The following MT1E variants were observed in gnomAD, a reference collection of about 807,000 sequenced individuals.
The protein encoded by MT1E is metallothionein 1E.
MT1E carries 1 observed loss-of-function variant against 2.4 expected under a neutral mutation model. The observed-to-expected ratio is 0.41, with a 90% confidence interval of 0.15 to 1.97. The LOEUF (loss-of-function observed/expected upper bound fraction) is 1.97, where lower values mean the gene tolerates loss of function less well. Among genes scored for constraint, MT1E ranks in the 30% most tolerant of loss-of-function variants. The pLI is 0.30. For missense variants in MT1E, 145 were observed against 149.6 expected (o/e 0.97, Z 0.16); for synonymous variants, 78 against 63.0 (o/e 1.24, Z -1.13).
chr16:56,626,341 C>A (rs1212288906), intron 1 of MT1E, 125 bp from the exon 2 acceptor site: 17 of 1,413,814 alleles, frequency 1.2e-5, no homozygotes, highest in Admixed American at 6.9e-5. Flanking sequence ...TTCCTCTGTC[C>A]TGAGTGGGAA....
intron 1 of MT1E, among the ~76,000 whole-genome samples, chr16:56,626,133 A>G (rs1206784419): frequency 6.6e-6 from 1 of 152,160 alleles, no homozygotes; most frequent in African/African-American, 2.4e-5. Context: ...GCTGGGCCCC[A>G]GTGCTCTGTC....
chr16:56,626,173 G>A (rs1419593995), intron 1 of MT1E, among the ~76,000 whole-genome samples: 1 of 152,202 alleles, frequency 6.6e-6, no homozygotes, highest in Non-Finnish European at 1.5e-5. Context: ...GTGGTTGGGG[G>A]TGCTGGAAAC....
In MT1E at chr16:56,626,900, G is replaced by A. The variant is rs754793720; in HGVS notation, c.*79G>A. ...CCCAGGCTGCTGTTCCTGCTGCCCC[G>A]TGGGCTGTGCCAAGTGTGCCCAGGG... On this transcript the variant is annotated 3_prime_UTR_variant, in exon 2 of 2. Transcript: ENST00000330439. 45 of 1,614,086 alleles carry A rather than the reference G, an allele frequency of 2.8e-5. No individual in the cohort carries two copies. The highest frequency in any genetic ancestry group is 1.9e-4 in the South Asian group (17 of 91,092).
Position 56,626,618 on chromosome 16 carries a change from G to T in MT1E, c.181G>T (p.Gly61Ter), listed in dbSNP as rs777890969. The T allele has an allele frequency of 2.5e-6, 4 of 1,613,828 alleles. No homozygotes were observed. The highest frequency in any genetic ancestry group is 2.2e-5 in the East Asian group (1 of 44,880). Residue 61 changes from glycine (G) to a stop codon, truncating the protein, a stop_gained, in exon 2 of 2, where the codon GGA (glycine) becomes TGA (stop). Coordinates refer to ENST00000330439, the MANE Select transcript of MT1E (RefSeq NM_001363555.2). LOFTEE classifies it low-confidence loss of function (END_TRUNC). ...GCTGGCCCTGAGTGCATCCTTCTGG[G>T]GAACTGGGCTTTCTTTGCCCTCATT... ...SRLALSASFWGTGLSLPSLPV... is the reference protein window; with the variant it reads ...SRLALSASFW
At chr16:56,626,166 G>A (rs1057283631) in intron 1 of MT1E, among the ~76,000 whole-genome samples, 2 of 152,320 alleles carry the variant, frequency 1.3e-5, no homozygotes, top group Admixed American at 6.5e-5. Context: ...AATCAGTGTG[G>A]TTGGGGGTGC....
rs141595717 is a variant in MT1E at position 56,626,517 on chromosome 16, C to T, written c.80C>T (p.Thr27Ile). The T allele has an allele frequency of 1.2e-6, 2 of 1,614,254 alleles. No homozygotes were observed. The highest frequency in any genetic ancestry group is 8.5e-7 in the Non-Finnish European group (1 of 1,180,058). The change falls in exon 2 of 2, where the codon ACC becomes ATC. Residue 27 changes from threonine (T) to isoleucine (I), a missense_variant. Transcript: ENST00000330439. ...GSCKCKECKC[T>I]SCKKSECGAI... ...TGCAAGTGCAAAGAGTGCAAATGCA[C>T]CTCCTGCAAGAAGAGTGAGTGCGGG...
In MT1E at chr16:56,625,879, G is replaced by GT; in HGVS notation, c.28_28+1insT (p.Gly10ValfsTer24). 1 of 1,613,830 alleles carries GT rather than the reference G, an allele frequency of 6.2e-7. No homozygotes were observed. Among genetic ancestry groups the GT allele is most frequent in the Non-Finnish European group, 8.5e-7 (1 of 1,180,014 alleles). On this transcript the variant is annotated frameshift_variant and splice_region_variant. Transcript: ENST00000330439. LOFTEE classifies it high-confidence loss of function. The stretch of plus-strand genomic sequence containing the variant: ...GGACCCCAACTGCTCTTGCGCCACT[G>GT]GTAAGGGAAGCTCTGCGCCCTGGAA...
At chr16:56,626,234 T>C (rs1336601393) in intron 1 of MT1E, among the ~76,000 whole-genome samples, 1 of 152,174 alleles carries the variant, frequency 6.6e-6, no homozygotes, top group African/African-American at 2.4e-5. Flanking sequence ...AGTCTCAATA[T>C]TCCTGGGTTG....
At position 56,626,385 on chromosome 16, in the gene MT1E, G is replaced by C. The variant is rs575840127; in HGVS notation, c.29-81G>C. ...TGAGGGCTGGCCCTGCACAGAGGAGGGGGCACTGGAGACTCACTGACCCAC... is the reference window on the plus strand; with the variant it reads ...TGAGGGCTGGCCCTGCACAGAGGAGCGGGCACTGGAGACTCACTGACCCAC... On this transcript the variant is annotated intron_variant, in intron 1 of 1. Coordinates refer to ENST00000330439, the MANE Select transcript of MT1E (RefSeq NM_001363555.2). 91 of 1,598,932 alleles carry C rather than the reference G, an allele frequency of 5.7e-5. 2 individuals are homozygous for C. In the South Asian group the frequency reaches 9.5e-4, roughly 17 times the overall value.
At position 56,627,005 on chromosome 16, in the gene MT1E, AACAACCTGC is replaced by A. The variant is rs1480327541; in HGVS notation, c.*193_*201del. 4 of 1,612,180 alleles carry A rather than the reference AACAACCTGC, an allele frequency of 2.5e-6. No individual in the cohort carries two copies. The Admixed American group carries it at 5.0e-5, about 20-fold the overall frequency. On this transcript the variant is annotated 3_prime_UTR_variant, in exon 2 of 2. Transcript: ENST00000330439. Reference sequence around the variant, plus strand: ...CAGCTCTTCTCCCAGATGTAAATAGAACAACCTGCACAACCTGGATTTTTTTAAAAATAC... The same window carrying A: ...CAGCTCTTCTCCCAGATGTAAATAGAACAACCTGGATTTTTTTAAAAATAC...
chr16:56,626,980 C>A lies in MT1E; in HGVS notation c.*159C>A, dbSNP rs765000620. The A allele has an allele frequency of 1.9e-6, 3 of 1,614,208 alleles. No homozygotes were observed. The highest frequency in any genetic ancestry group is 2.5e-6 in the Non-Finnish European group (3 of 1,180,024). ...GCAGCTGCTGTGCCTGATGTGGGAACAGCTCTTCTCCCAGATGTAAATAGA... is the reference window on the plus strand; with the variant it reads ...GCAGCTGCTGTGCCTGATGTGGGAAAAGCTCTTCTCCCAGATGTAAATAGA... On this transcript the variant is annotated 3_prime_UTR_variant, in exon 2 of 2. Coordinates refer to ENST00000330439, the MANE Select transcript of MT1E (RefSeq NM_001363555.2).
chr16:56,625,892 C>A lies in MT1E; in HGVS notation c.28+13C>A. ...TCTTGCGCCACTGGTAAGGGAAGCT[C>A]TGCGCCCTGGAATCCCCATTTCCCA... On this transcript the variant is annotated intron_variant, in intron 1 of 1. Coordinates refer to ENST00000330439, the MANE Select transcript of MT1E (RefSeq NM_001363555.2). 1 of 1,613,934 alleles carries A rather than the reference C, an allele frequency of 6.2e-7. No individual in the cohort carries two copies. The highest frequency in any genetic ancestry group is 8.5e-7 in the Non-Finnish European group (1 of 1,180,016).
At chr16:56,626,345 G>A (rs1960207992) in intron 1 of MT1E, 121 bp from the exon 2 acceptor site, 2 of 1,440,688 alleles carry the variant, frequency 1.4e-6, no homozygotes, top group Admixed American at 3.4e-5. Flanking sequence ...TCTGTCCTGA[G>A]TGGGAAAGGA....
chr16:56,626,505 A>C lies in MT1E; in HGVS notation c.68A>C (p.Glu23Ala). Residue 23 changes from glutamate to alanine, a missense_variant, in exon 2 of 2, where the codon GAG (glutamate) becomes GCG (alanine). Physicochemically the swap from Glu to Ala is moderately radical, Grantham distance 107. Coordinates refer to ENST00000330439, the MANE Select transcript of MT1E (RefSeq NM_001363555.2). ...TGCGCCGGCTCCTGCAAGTGCAAAGAGTGCAAATGCACCTCCTGCAAGAAG... is the reference window on the plus strand; with the variant it reads ...TGCGCCGGCTCCTGCAAGTGCAAAGCGTGCAAATGCACCTCCTGCAAGAAG... The part of the protein sequence containing the change: ...CTCAGSCKCK[E>A]CKCTSCKKSE... 6.2e-7 allele frequency: 1 copy of C among 1,614,248 alleles called. No homozygotes were observed. The highest frequency in any genetic ancestry group is 1.1e-5 in the South Asian group (1 of 91,086).
At position 56,625,899 on chromosome 16, in the gene MT1E, C is replaced by T. The variant is rs753054217; in HGVS notation, c.28+20C>T. Reference sequence around the variant, plus strand: ...CCACTGGTAAGGGAAGCTCTGCGCCCTGGAATCCCCATTTCCCAGCCCTAT... The same window carrying T: ...CCACTGGTAAGGGAAGCTCTGCGCCTTGGAATCCCCATTTCCCAGCCCTAT... On this transcript the variant is annotated intron_variant, in intron 1 of 1. Coordinates refer to ENST00000330439, the MANE Select transcript of MT1E (RefSeq NM_001363555.2). 2 of 1,613,850 alleles carry T rather than the reference C, an allele frequency of 1.2e-6. No homozygotes were observed. Among genetic ancestry groups the T allele is most frequent in the African/African-American group, 1.3e-5 (1 of 74,928 alleles).
chr16:56,626,622 C>A lies in MT1E; in HGVS notation c.185C>A (p.Thr62Asn). The change falls in exon 2 of 2, where the codon ACT (threonine) becomes AAT (asparagine). Residue 62 changes from threonine to asparagine, a missense_variant. Thr to Asn is a moderately conservative substitution (Grantham distance 65). Transcript: ENST00000330439. ...GCCCTGAGTGCATCCTTCTGGGGAA[C>A]TGGGCTTTCTTTGCCCTCATTGCCC... ...RLALSASFWG[T>N]GLSLPSLPVS... 2 of 1,613,560 alleles carry A rather than the reference C, an allele frequency of 1.2e-6. No individual in the cohort carries two copies. Among genetic ancestry groups the A allele is most frequent in the Non-Finnish European group, 1.7e-6 (2 of 1,179,728 alleles).
intron 1 of MT1E, 88 bp downstream of exon 1, chr16:56,625,967 T>C (rs1960202622): frequency 6.6e-7 from 1 of 1,505,958 alleles, no homozygotes; most frequent in Admixed American, 1.7e-5. Flanking sequence ...TTTTAAGTTC[T>C]GAGCGACGGG....
chr16:56,626,195 A>G (rs550642522), intron 1 of MT1E, among the ~76,000 whole-genome samples: 86 of 152,266 alleles, frequency 5.6e-4, no homozygotes, highest in South Asian at 8.3e-4. Flanking sequence ...TTGACTCTTC[A>G]GAGTTCAGGA....
rs1960222568 is a variant in MT1E, at chr16:56,627,027, T to G, written c.*206T>G. On this transcript the variant is annotated 3_prime_UTR_variant, in exon 2 of 2. Transcript: ENST00000330439. ...TAGAACAACCTGCACAACCTGGATTTTTTTAAAAATACAACACTGAGCCAT... is the reference window on the plus strand; with the variant it reads ...TAGAACAACCTGCACAACCTGGATTGTTTTAAAAATACAACACTGAGCCAT... 1 of 1,599,968 alleles carries G rather than the reference T, an allele frequency of 6.3e-7. No individual in the cohort carries two copies. The highest frequency in any genetic ancestry group is 1.7e-5 in the Admixed American group (1 of 57,560).
Sources: allele counts gnomAD v4.1 joint callset (sites outside exome capture counted in the v4.1 genomes callset), GRCh38; gene constraint gnomAD v4.1.1; transcripts MANE v1.5; gene names NCBI Gene and HGNC (gene_info 2026-07-23, HGNC 2026-07-21).